CRTC3: variants seen among roughly 807,000 people sequenced by gnomAD.
CRTC3 encodes CREB-regulated transcription coactivator 3.
CRTC3 carries 26 observed loss-of-function variants against 74.5 expected under a neutral mutation model. That is an observed-to-expected ratio of 0.35 (90% CI 0.26 to 0.48). The LOEUF is 0.48. CRTC3 is among the 20% of genes least tolerant of loss of function. CRTC3 has a pLI of 0.99. For synonymous variants in CRTC3, 377 were observed against 325.8 expected (o/e 1.16, Z -1.69); for missense variants, 760 against 787.3 (o/e 0.97, Z 0.41).
At chr15:90,636,904 A>G (rs1272915614) in intron 11 of CRTC3, among the ~76,000 whole-genome samples, 1 of 152,204 alleles carries the variant, frequency 6.6e-6, no homozygotes, top group Non-Finnish European at 1.5e-5. Flanking sequence ...TCAGGAAACA[A>G]CAGGTGCTGG....
intron 2 of CRTC3, among the ~76,000 whole-genome samples, chr15:90,590,269 G>A (rs1967769609): frequency 6.6e-6 from 1 of 151,772 alleles, no homozygotes; most frequent in Admixed American, 6.6e-5. Flanking sequence ...CTCCAGCCTG[G>A]GTGACACAGC....
chr15:90,545,484 C>T (rs1003999060), intron 2 of CRTC3, among the ~76,000 whole-genome samples: 1 of 151,092 alleles, frequency 6.6e-6, no homozygotes, highest in East Asian at 1.9e-4. Context: ...ACTGCTGCCT[C>T]CGCCTCCCAG....
At chr15:90,562,076 G>A (rs1259692599) in intron 2 of CRTC3, among the ~76,000 whole-genome samples, 4 of 152,100 alleles carry the variant, frequency 2.6e-5, no homozygotes, top group Non-Finnish European at 4.4e-5. Context: ...TGTCTCTACC[G>A]CCAGCCTCTT....
chr15:90,580,271 A>G (rs1283931452), intron 2 of CRTC3, among the ~76,000 whole-genome samples: 1 of 152,154 alleles, frequency 6.6e-6, no homozygotes, highest in Non-Finnish European at 1.5e-5. Context: ...GCCGGGAGCC[A>G]GGAGAGGATA....
At chr15:90,544,141 G>A (rs1178282722) in intron 2 of CRTC3, among the ~76,000 whole-genome samples, 2 of 152,142 alleles carry the variant, frequency 1.3e-5, no homozygotes, top group African/African-American at 4.8e-5. Context: ...CACCATGAAT[G>A]CTCTGGGGAA....
intron 2 of CRTC3, among the ~76,000 whole-genome samples, chr15:90,561,586 G>A (rs1366646032): frequency 6.6e-6 from 1 of 152,040 alleles, no homozygotes; most frequent in Non-Finnish European, 1.5e-5. Flanking sequence ...ATATTCCCTC[G>A]CATTTTGAAT....
intron 11 of CRTC3, among the ~76,000 whole-genome samples, chr15:90,633,500 C>G (rs796927377): frequency 2.4e-4 from 36 of 152,308 alleles, no homozygotes; most frequent in African/African-American, 8.7e-4. Flanking sequence ...GCCATTCGGA[C>G]TCTTAACACT....
intron 1 of CRTC3, among the ~76,000 whole-genome samples, chr15:90,533,523 C>T (rs75570877): frequency 0.064 from 9,690 of 151,670 alleles, 430 homozygotes; most frequent in Middle Eastern, 0.19. Flanking sequence ...TATTTGAGTG[C>T]CTACTTTGTT....
intron 11 of CRTC3, among the ~76,000 whole-genome samples, chr15:90,630,421 A>G (rs968664681): frequency 1.3e-5 from 2 of 152,206 alleles, no homozygotes; most frequent in East Asian, 3.8e-4. Context: ...CTGTTGAGAA[A>G]GAGGCACATT....
In CRTC3 at chr15:90,533,415, C is replaced by T. The variant is rs1049338087; in HGVS notation, c.132+3212C>T. 8.4e-5 allele frequency among the ~76,000 whole-genome samples: 6 copies of T among 71,678 alleles called. 1 individual carries two copies. The highest frequency in any genetic ancestry group is 2.2e-4 in the African/African-American group (4 of 18,360). The allele number at this position is 71,678 out of a possible 152,430, so 47.0% of individuals were successfully genotyped here. A position where few individuals can be genotyped will look rare whatever the true frequency, so the allele number is the denominator to read the frequency against. ...CAGCCTGGGCGACAGAGCGAGACTCCGCCTAGGAAAAAAAAAAAAAAAGGG... is the reference window on the plus strand; with the variant it reads ...CAGCCTGGGCGACAGAGCGAGACTCTGCCTAGGAAAAAAAAAAAAAAAGGG... On this transcript the variant is annotated intron_variant, in intron 1 of 14. Transcript: ENST00000268184.
chr15:90,598,479 T>C (rs1451163678), intron 3 of CRTC3: 2 of 702,892 alleles, frequency 2.8e-6, no homozygotes, highest in Admixed American at 2.0e-5. Flanking sequence ...CCTGTGTTGA[T>C]GGATTGAGGC....
At chr15:90,594,949 G>A (rs903448770) in intron 3 of CRTC3, 3 of 152,132 alleles carry the variant, frequency 2.0e-5, no homozygotes, top group African/African-American at 7.2e-5. Context: ...AGTCTATTTG[G>A]AGGCAAGGAT....
At chr15:90,601,657 C>T (rs1031723164) in intron 3 of CRTC3, among the ~76,000 whole-genome samples, 2 of 151,932 alleles carry the variant, frequency 1.3e-5, no homozygotes, top group Non-Finnish European at 2.9e-5. Context: ...AACTCCGTCT[C>T]AAAAAATAAA....
At position 90,593,785 on chromosome 15, in the gene CRTC3, T is replaced by G. The variant is rs149333051; in HGVS notation, c.351+30T>G. ...CCTTTTTTACTCTTCAAAGGGAGTG[T>G]GCATTCTGAAATGTTTGAAAAGTTT... On this transcript the variant is annotated intron_variant, in intron 3 of 14. Transcript: ENST00000268184. 8 of 1,562,106 alleles carry G rather than the reference T, an allele frequency of 5.1e-6. No homozygotes were observed. The African/African-American group carries it at 9.4e-5, about 18-fold the overall frequency.
intron 11 of CRTC3, among the ~76,000 whole-genome samples, chr15:90,636,550 A>G (rs374965403): frequency 4.0e-5 from 6 of 151,342 alleles, no homozygotes; most frequent in Admixed American, 6.6e-5. Flanking sequence ...AGCCAAAATT[A>G]ACAAATGGGA....
In CRTC3 at chr15:90,641,797, G is replaced by A. The variant is rs1199500382; in HGVS notation, c.1652-135G>A. On this transcript the variant is annotated intron_variant, in intron 14 of 14. Coordinates refer to ENST00000268184, the MANE Select transcript of CRTC3 (RefSeq NM_022769.5). ...GACAAGAATGTAGATTCCAGGGCAA[G>A]AACTGTGGGCCTGGGGGTGGTCAGG... 3 of 694,732 alleles carry A rather than the reference G, an allele frequency of 4.3e-6. No homozygotes were observed. The African/African-American group carries it at 5.4e-5, about 12-fold the overall frequency. The allele number at this position is 694,732 out of a possible 1,614,324, so 43.0% of individuals were successfully genotyped here.
intron 2 of CRTC3, among the ~76,000 whole-genome samples, chr15:90,588,902 C>T (rs1596105001): frequency 1.3e-5 from 2 of 152,292 alleles, no homozygotes; most frequent in Middle Eastern, 6.8e-3. Context: ...ATTTTGTCTT[C>T]TCAACAAGCC....
In CRTC3 at chr15:90,558,767, T is replaced by C. The variant is rs1038399412; in HGVS notation, c.231+18630T>C. On this transcript the variant is annotated intron_variant, in intron 2 of 14. Transcript: ENST00000268184. ...ATATACATATACACATTTATTTTTT[T>C]TTGAGACTGAGTCTTGCTCTGTCGC... 2.0e-5 allele frequency among the ~76,000 whole-genome samples: 3 copies of C among 151,982 alleles called. No individual in the cohort carries two copies. The East Asian group carries it at 5.8e-4, about 29-fold the overall frequency.
intron 2 of CRTC3, among the ~76,000 whole-genome samples, chr15:90,547,781 A>T (rs1966846896): frequency 6.6e-6 from 1 of 152,144 alleles, no homozygotes; most frequent in African/African-American, 2.4e-5. Context: ...CCTGTGTAAC[A>T]GCTAGGGCAC....
Sources: gnomAD v4.1 joint callset for allele counts (sites outside exome capture counted in the v4.1 genomes callset) on GRCh38, gnomAD v4.1.1 for gene constraint, MANE v1.5 for transcripts, NCBI Gene and HGNC (gene_info 2026-07-23, HGNC 2026-07-21) for gene names.